The following AP3B1 variants were observed in gnomAD, a reference collection of about 807,000 sequenced individuals.
AP3B1 encodes AP-3 complex subunit beta-1.
AP3B1 carries 61 observed loss-of-function variants against 132.5 expected under a neutral mutation model. That is an observed-to-expected ratio of 0.46 (90% CI 0.37 to 0.57). The LOEUF is 0.57. Ranked by LOEUF, AP3B1 falls within the 20% of genes least tolerant of loss-of-function variation. The pLI, the probability that AP3B1 is intolerant of heterozygous loss-of-function variation, is 0.00. For missense variants in AP3B1, 1,120 were observed against 1,289.4 expected, an observed-to-expected ratio of 0.87 and a Z score of 2.01; for synonymous variants, 388 against 438.3, an observed-to-expected ratio of 0.89 and a Z score of 1.43.
chr5:78,015,806 A>G (rs1354023761), intron 25 of AP3B1: 6 of 426,250 alleles, frequency 1.4e-5, no homozygotes, highest in South Asian at 1.4e-4. Flanking sequence ...GATAGGATAA[A>G]AACTTAGAAT....
At chr5:78,005,699 C>A (rs1416648122) in intron 26 of AP3B1, among the ~76,000 whole-genome samples, 2 of 152,292 alleles carry the variant, frequency 1.3e-5, no homozygotes, top group East Asian at 1.9e-4. Flanking sequence ...ACTAGAAGAT[C>A]AGATGTTCTG....
At chr5:78,254,034 T>C (rs1156348986) in intron 2 of AP3B1, among the ~76,000 whole-genome samples, 1 of 150,716 alleles carries the variant, frequency 6.6e-6, no homozygotes, top group Non-Finnish European at 1.5e-5. Context: ...CAATCAGAAA[T>C]TCTAGAGTTA....
chr5:78,074,743 G>A (rs1008978160), intron 22 of AP3B1, among the ~76,000 whole-genome samples: 1 of 152,188 alleles, frequency 6.6e-6, no homozygotes, highest in African/African-American at 2.4e-5. Context: ...GAGGTTAGGA[G>A]TTCGAGACCA....
chr5:78,006,046 C>T (rs541925776), intron 26 of AP3B1, among the ~76,000 whole-genome samples: 27 of 152,280 alleles, frequency 1.8e-4, no homozygotes, highest in African/African-American at 6.5e-4. Flanking sequence ...TTTCAAAAGG[C>T]ATGAGAAATT....
chr5:78,041,802 T>C (rs1748099665), intron 22 of AP3B1: 1 of 153,746 alleles, frequency 6.5e-6, no homozygotes, highest in Non-Finnish European at 1.5e-5. Context: ...TCAAAACTCT[T>C]CTGTTTCCTT....
chr5:78,000,764 C>A (rs994415640), downstream of AP3B1: 2 of 152,030 alleles, frequency 1.3e-5, no homozygotes, highest in African/African-American at 4.8e-5. Flanking sequence ...ACTAACTCGA[C>A]TCAATGGAAC....
intron 3 of AP3B1, among the ~76,000 whole-genome samples, chr5:78,229,771 AG>A (rs1178789175): frequency 1.3e-5 from 2 of 152,068 alleles, no homozygotes; most frequent in African/African-American, 2.4e-5. Context: ...TTAAAAAAAA[AG>A]TTATATACTC....
chr5:78,281,203 G>A (rs911822573), intron 1 of AP3B1, among the ~76,000 whole-genome samples: 4 of 152,142 alleles, frequency 2.6e-5, no homozygotes, highest in African/African-American at 9.7e-5. Flanking sequence ...GGGAGGCCAA[G>A]GCAGGTGGAT....
chr5:78,207,471 T>C (rs1745556870), intron 7 of AP3B1, among the ~76,000 whole-genome samples: 1 of 151,756 alleles, frequency 6.6e-6, no homozygotes, highest in African/African-American at 2.4e-5. Flanking sequence ...TTTCTAAAAA[T>C]ATGATGGACA....
intron 21 of AP3B1, among the ~76,000 whole-genome samples, chr5:78,095,530 A>G (rs1273491512): frequency 6.6e-6 from 1 of 152,190 alleles, no homozygotes; most frequent in African/African-American, 2.4e-5. Flanking sequence ...AGCTCAGATC[A>G]TGGTTCCTTC....
chr5:78,080,823 G>T (rs1749967350), intron 22 of AP3B1, among the ~76,000 whole-genome samples: 1 of 151,950 alleles, frequency 6.6e-6, no homozygotes, highest in African/African-American at 2.4e-5. Context: ...TACAATCAAT[G>T]GTATGAAAAT....
intron 7 of AP3B1, among the ~76,000 whole-genome samples, chr5:78,200,226 C>T (rs1310361739): frequency 6.6e-6 from 1 of 151,674 alleles, no homozygotes. Context: ...TCTGTGACTG[C>T]CAAGCAGGGG....
At chr5:78,206,547 A>C (rs1306186517) in intron 7 of AP3B1, among the ~76,000 whole-genome samples, 2 of 152,116 alleles carry the variant, frequency 1.3e-5, no homozygotes, top group Admixed American at 6.6e-5. Flanking sequence ...CCCTGACCAC[A>C]CTCCTCACAT....
At chr5:78,048,460 C>T (rs960604635) in intron 22 of AP3B1, among the ~76,000 whole-genome samples, 2 of 152,130 alleles carry the variant, frequency 1.3e-5, no homozygotes, top group African/African-American at 4.8e-5. Context: ...CCATGACTGG[C>T]TGCAGTTAAC....
chr5:78,116,890 G>C (rs1442876255), intron 17 of AP3B1, among the ~76,000 whole-genome samples: 1 of 151,954 alleles, frequency 6.6e-6, no homozygotes, highest in Non-Finnish European at 1.5e-5. Context: ...ACCTAAATGA[G>C]AGCAAGCTCC....
chr5:78,064,738 C>T (rs530707150), intron 22 of AP3B1, among the ~76,000 whole-genome samples: 4 of 152,270 alleles, frequency 2.6e-5, no homozygotes, highest in South Asian at 2.1e-4. Flanking sequence ...TATTAAGCTA[C>T]GTTTAGTCAA....
chr5:78,230,520 G>T (rs890221212), intron 3 of AP3B1, among the ~76,000 whole-genome samples: 1 of 152,080 alleles, frequency 6.6e-6, no homozygotes, highest in Non-Finnish European at 1.5e-5. Context: ...AAAATCTAAA[G>T]CTCTTAACCT....
chr5:78,059,579 C>G (rs1748956213), intron 22 of AP3B1, among the ~76,000 whole-genome samples: 8 of 152,138 alleles, frequency 5.3e-5, no homozygotes, highest in Admixed American at 5.2e-4. Flanking sequence ...TCTCATTGAA[C>G]TTAAACTCCA....
intron 24 of AP3B1, 125 bp from the exon 25 acceptor site, chr5:78,020,914 C>A: frequency 1.4e-6 from 1 of 734,994 alleles, no homozygotes. Context: ...TTGGTTTAAA[C>A]ATCACAGCTA....
Sources: allele counts gnomAD v4.1 joint callset (sites outside exome capture counted in the v4.1 genomes callset), GRCh38; gene constraint gnomAD v4.1.1; transcripts MANE v1.5; gene names NCBI Gene and HGNC (gene_info 2026-07-23, HGNC 2026-07-21).